Variants in NSD1 observed in about 807,000 individuals in gnomAD.
NSD1 encodes nuclear receptor binding SET domain protein 1.
In NSD1, 26 loss-of-function variants were observed where a neutral mutation model predicts 242.7. The ratio of observed to expected loss-of-function variants is 0.11; its 90% CI spans 0.08 to 0.15. The LOEUF is 0.15. NSD1 is among the 10% of genes least tolerant of loss of function. The probability of loss-of-function intolerance (pLI) is 1.00; values close to 1 mark genes in which losing one functional copy is unlikely to be tolerated. For synonymous variants in NSD1, 1,106 were observed against 1,178.1 expected, an observed-to-expected ratio of 0.94 and a Z score of 1.25; for missense variants, 2,495 against 3,272.8, an observed-to-expected ratio of 0.76 and a Z score of 5.80.
Position 177,137,662 on chromosome 5 carries a change from C to T in NSD1, c.927+1632C>T, listed in dbSNP as rs192911358. ...GTTGAAATTTATTTTATATATATAT[C>T]GTGTCTTTGTTTTTGCACATAAATT... On this transcript the variant is annotated intron_variant, in intron 2 of 22. Transcript: ENST00000439151. Among the ~76,000 whole-genome samples, 16 of 152,042 alleles carry T rather than the reference C, an allele frequency of 1.1e-4. No homozygotes were observed. The East Asian group carries it at 2.5e-3, about 24-fold the overall frequency.
chr5:177,150,091 C>T (rs1757578991), intron 2 of NSD1, among the ~76,000 whole-genome samples: 1 of 151,846 alleles, frequency 6.6e-6, no homozygotes, highest in African/African-American at 2.4e-5. Context: ...TGTGTCCCAC[C>T]ATGCCTGGCT....
intron 2 of NSD1, chr5:177,136,285 G>A: frequency 2.5e-6 from 1 of 396,500 alleles, no homozygotes; most frequent in South Asian, 3.0e-5. Flanking sequence ...GCATTTGATT[G>A]AGTTCAGGTT....
At chr5:177,270,646 C>A (rs1158874034) in intron 16 of NSD1, among the ~76,000 whole-genome samples, 1 of 152,144 alleles carries the variant, frequency 6.6e-6, no homozygotes, top group East Asian at 1.9e-4. Context: ...TCCAGGTAAA[C>A]CAATTGTTAA....
intron 2 of NSD1, among the ~76,000 whole-genome samples, chr5:177,158,293 C>CTTTCTTT: frequency 1.3e-5 from 1 of 77,746 alleles, no homozygotes; most frequent in African/African-American, 4.6e-5. Context: ...TTCTTTCTTT[C>CTTTCTTT]TTTCTTTCTT....
At chr5:177,143,152 TTCA>T (rs1756960823) in intron 2 of NSD1, among the ~76,000 whole-genome samples, 2 of 152,184 alleles carry the variant, frequency 1.3e-5, no homozygotes, top group Admixed American at 6.6e-5. Flanking sequence ...ATTGTCAGCC[TTCA>T]TCATTTTCAA....
At chr5:177,288,739 AG>A (rs1759540582) in intron 20 of NSD1, 79 bp from the exon 21 acceptor site, 1 of 974,196 alleles carries the variant, frequency 1.0e-6, no homozygotes, top group South Asian at 1.3e-5. Flanking sequence ...TTCTCTTGGG[AG>A]TTGGTATCCT....
chr5:177,241,626 T>C (rs1165675784), intron 8 of NSD1, among the ~76,000 whole-genome samples: 1 of 152,178 alleles, frequency 6.6e-6, no homozygotes, highest in Non-Finnish European at 1.5e-5. Flanking sequence ...TTTTTACTTT[T>C]GGGGAGAGGG....
At chr5:177,147,487 A>G (rs892592913) in intron 2 of NSD1, among the ~76,000 whole-genome samples, 37 of 152,284 alleles carry the variant, frequency 2.4e-4, no homozygotes, top group African/African-American at 8.7e-4. Context: ...TTAGATAAAC[A>G]TGAGTCATAC....
At chr5:177,279,279 C>G (rs1758646398) in intron 17 of NSD1, among the ~76,000 whole-genome samples, 2 of 152,138 alleles carry the variant, frequency 1.3e-5, no homozygotes, top group South Asian at 4.1e-4. Context: ...GTCAGGAGAT[C>G]ACAAGGTCAG....
At chr5:177,277,170 C>T (rs553510093) in intron 17 of NSD1, among the ~76,000 whole-genome samples, 1 of 148,932 alleles carries the variant, frequency 6.7e-6, no homozygotes, top group South Asian at 2.1e-4. Flanking sequence ...GGAAAAGGAT[C>T]TAGAGCAGGC....
At chr5:177,206,635 T>G (rs1418127849) in intron 4 of NSD1, among the ~76,000 whole-genome samples, 1 of 152,152 alleles carries the variant, frequency 6.6e-6, no homozygotes, top group African/African-American at 2.4e-5. Flanking sequence ...AATTGATGCT[T>G]TAGAAACAAT....
chr5:177,192,489 C>T (rs753315029), intron 3 of NSD1, among the ~76,000 whole-genome samples: 2 of 152,032 alleles, frequency 1.3e-5, no homozygotes, highest in Admixed American at 6.6e-5. Flanking sequence ...CTCTGCCTCC[C>T]GGGTTCAAGC....
chr5:177,256,715 G>A (rs1214006728), intron 12 of NSD1, among the ~76,000 whole-genome samples: 1 of 152,034 alleles, frequency 6.6e-6, no homozygotes, highest in Non-Finnish European at 1.5e-5. Context: ...TTTTTTTGGC[G>A]GGGGTGCCAG....
At chr5:177,203,011 T>A (rs1251312844) in intron 3 of NSD1, among the ~76,000 whole-genome samples, 1 of 152,142 alleles carries the variant, frequency 6.6e-6, no homozygotes, top group African/African-American at 2.4e-5. Flanking sequence ...CTTCTCTCCT[T>A]TGTCTTTCTT....
chr5:177,266,031 C>T, intron 14 of NSD1: 1 of 1,046,014 alleles, frequency 9.6e-7, no homozygotes, highest in South Asian at 1.3e-5. Flanking sequence ...ATATCGAAGC[C>T]ATAAACGTTC....
At chr5:177,202,090 C>A (rs1425396447) in intron 3 of NSD1, among the ~76,000 whole-genome samples, 1 of 151,640 alleles carries the variant, frequency 6.6e-6, no homozygotes, top group Non-Finnish European at 1.5e-5. Context: ...ATCGCTTGAA[C>A]CTGGGAGGCA....
intron 17 of NSD1, among the ~76,000 whole-genome samples, chr5:177,274,078 C>A (rs543870329): frequency 6.6e-6 from 1 of 152,048 alleles, no homozygotes; most frequent in South Asian, 2.1e-4. Flanking sequence ...TGCTTGAACC[C>A]GGGAGGCAGA....
intron 16 of NSD1, 120 bp from the exon 17 acceptor site, chr5:177,273,552 C>T (rs562621943): frequency 4.6e-5 from 36 of 782,182 alleles, no homozygotes; most frequent in South Asian, 3.0e-4. Context: ...TAGCATTGGT[C>T]GATTTTTGTG....
At position 177,295,674 on chromosome 5, in the gene NSD1, C is replaced by T. The variant is rs890333574; in HGVS notation, c.*215C>T. 4.3e-5 allele frequency: 27 copies of T among 623,002 alleles called. No individual in the cohort carries two copies. In the African/African-American group the frequency reaches 5.0e-4, roughly 11 times the overall value. 38.6% of individuals were successfully genotyped at this position (623,002 alleles called of 1,614,324 possible). ...AACCATGTATGAAAATCCAGTGGGC[C>T]CCAACCAAGGAGACAGACAGACTTG... On this transcript the variant is annotated 3_prime_UTR_variant, in exon 23 of 23. Coordinates refer to ENST00000439151, the MANE Select transcript of NSD1 (RefSeq NM_022455.5). The surrounding 1 kb of genome is among the most constrained non-coding windows in gnomAD (Gnocchi z 4.3).
Sources: gnomAD v4.1 joint callset for allele counts (sites outside exome capture counted in the v4.1 genomes callset) on GRCh38, gnomAD v4.1.1 for gene constraint, Gnocchi (gnomAD v3.1) non-coding constraint, MANE v1.5 for transcripts, NCBI Gene and HGNC (gene_info 2026-07-23, HGNC 2026-07-21) for gene names.